The following PRKN variants were observed in gnomAD, a reference collection of about 807,000 sequenced individuals.
The protein encoded by PRKN is E3 ubiquitin-protein ligase parkin.
A neutral mutation model predicts 59.5 loss-of-function variants in PRKN; 56 were observed. That is an observed-to-expected ratio of 0.94 (90% CI 0.76 to 1.18). PRKN has a LOEUF of 1.18. Ranked by LOEUF, PRKN falls within the 50% of genes most tolerant of loss-of-function variation. The probability of loss-of-function intolerance (pLI) is 0.00; values close to 1 mark genes in which losing one functional copy is unlikely to be tolerated. For synonymous variants in PRKN, 250 were observed against 222.1 expected (o/e 1.13, Z -1.12); for missense variants, 657 against 596.4 (o/e 1.10, Z -1.06).
chr6:161,751,802 G>T (rs370626085), intron 7 of PRKN, among the ~76,000 whole-genome samples: 5 of 152,326 alleles, frequency 3.3e-5, no homozygotes, highest in Admixed American at 6.5e-5. Context: ...AGGAAGCTGT[G>T]ACCAGGTACC....
chr6:162,418,608 C>T (rs1788767693), intron 2 of PRKN, among the ~76,000 whole-genome samples: 1 of 86,732 alleles, frequency 1.2e-5, no homozygotes, highest in South Asian at 4.6e-4. Flanking sequence ...GAGAGAGGGA[C>T]AGACAGTGTG....
At chr6:162,276,705 GTC>G (rs66528514) in intron 2 of PRKN, among the ~76,000 whole-genome samples, 8 of 135,644 alleles carry the variant, frequency 5.9e-5, no homozygotes, top group African/African-American at 2.3e-4. Context: ...GTGTGTGTGT[GTC>G]TGTGTGTGTG....
In PRKN at chr6:162,405,741, C is replaced by G. The variant is rs117770034; in HGVS notation, c.171+37569G>C. 2.9e-3 allele frequency among the ~76,000 whole-genome samples: 441 copies of G among 152,164 alleles called. 1 individual carries two copies. Among genetic ancestry groups the G allele is most frequent in the Non-Finnish European group, 5.3e-3 (358 of 68,002 alleles). ...TTGCAGGAGCCCAGAAGAAACGCTA[C>G]GCGGGGGTGTAGTGAGAATGTGCCA... On this transcript the variant is annotated intron_variant, in intron 2 of 11. Coordinates refer to ENST00000366898, the MANE Select transcript of PRKN (RefSeq NM_004562.3).
chr6:162,507,735 G>A (rs1280286363), intron 1 of PRKN, among the ~76,000 whole-genome samples: 1 of 152,116 alleles, frequency 6.6e-6, no homozygotes, highest in Admixed American at 6.6e-5. Flanking sequence ...ATCTATGTCT[G>A]TCTCCCCTGT....
chr6:161,997,894 C>T (rs976234300), intron 5 of PRKN, among the ~76,000 whole-genome samples: 1 of 152,036 alleles, frequency 6.6e-6, no homozygotes, highest in Non-Finnish European at 1.5e-5. Flanking sequence ...CAAAAATGGC[C>T]AAAAGCCCTC....
At chr6:162,060,912 C>T (rs1653520202) in intron 4 of PRKN, among the ~76,000 whole-genome samples, 5 of 152,064 alleles carry the variant, frequency 3.3e-5, no homozygotes, top group African/African-American at 1.2e-4. Context: ...TTGAATAATC[C>T]ACAAACATTT....
At chr6:162,629,260 AAAG>A (rs1285238675) in intron 1 of PRKN, among the ~76,000 whole-genome samples, 5 of 152,152 alleles carry the variant, frequency 3.3e-5, no homozygotes, top group African/African-American at 1.2e-4. Flanking sequence ...TTAATTAAGG[AAAG>A]TCCAATTTTA....
chr6:162,317,788 A>G (rs1782814340), intron 2 of PRKN, among the ~76,000 whole-genome samples: 1 of 152,058 alleles, frequency 6.6e-6, no homozygotes, highest in Non-Finnish European at 1.5e-5. Context: ...CCCTGTCTCA[A>G]GTAAATGTAT....
At chr6:162,349,108 G>A (rs1784520594) in intron 2 of PRKN, among the ~76,000 whole-genome samples, 1 of 152,162 alleles carries the variant, frequency 6.6e-6, no homozygotes, top group Non-Finnish European at 1.5e-5. Context: ...AAACCTTTCA[G>A]TGAATTCTAG....
chr6:161,968,915 T>C (rs181242565), intron 6 of PRKN, among the ~76,000 whole-genome samples: 1 of 152,330 alleles, frequency 6.6e-6, no homozygotes, highest in East Asian at 1.9e-4. Flanking sequence ...TTGTAGACTT[T>C]TTGTATAGCT....
intron 1 of PRKN, among the ~76,000 whole-genome samples, chr6:162,691,860 C>T (rs1270169054): frequency 1.3e-5 from 2 of 152,058 alleles, no homozygotes; most frequent in African/African-American, 4.8e-5. Flanking sequence ...CAGTAGCAGC[C>T]TGGGGTAAAT....
intron 6 of PRKN, among the ~76,000 whole-genome samples, chr6:161,950,571 A>T (rs1363784397): frequency 6.6e-6 from 1 of 152,166 alleles, no homozygotes; most frequent in African/African-American, 2.4e-5. Context: ...TCTTTGCAAT[A>T]GCAAAGAGAA....
chr6:161,891,077 T>C (rs1362996968), intron 6 of PRKN, among the ~76,000 whole-genome samples: 2 of 152,094 alleles, frequency 1.3e-5, no homozygotes, highest in African/African-American at 4.8e-5. Flanking sequence ...ATAGAACACA[T>C]TATGAGGGGG....
At chr6:162,322,362 T>A (rs1783068970) in intron 2 of PRKN, among the ~76,000 whole-genome samples, 1 of 152,088 alleles carries the variant, frequency 6.6e-6, no homozygotes, top group Admixed American at 6.6e-5. Context: ...ATTATTAAAA[T>A]GTCATTATTC....
At chr6:162,169,723 T>C (rs1269169330) in intron 4 of PRKN, among the ~76,000 whole-genome samples, 5 of 152,252 alleles carry the variant, frequency 3.3e-5, no homozygotes, top group Non-Finnish European at 5.9e-5. Context: ...GTGACTCAGT[T>C]GTTAAAACTG....
intron 5 of PRKN, among the ~76,000 whole-genome samples, chr6:161,987,913 G>A (rs897699724): frequency 3.3e-5 from 5 of 152,166 alleles, no homozygotes; most frequent in Admixed American, 6.5e-5. Flanking sequence ...AGCATCATCC[G>A]GTTGCTAAGA....
intron 6 of PRKN, among the ~76,000 whole-genome samples, chr6:161,856,770 T>A (rs1793672179): frequency 6.6e-6 from 1 of 152,170 alleles, no homozygotes; most frequent in Non-Finnish European, 1.5e-5. Context: ...TCTGTTTCTT[T>A]ATTCTTGCTT....
intron 1 of PRKN, among the ~76,000 whole-genome samples, chr6:162,550,286 G>T (rs1468322039): frequency 6.6e-6 from 1 of 152,180 alleles, no homozygotes; most frequent in Non-Finnish European, 1.5e-5. Flanking sequence ...AAGTGGAAGT[G>T]AATTATTAGG....
intron 3 of PRKN, among the ~76,000 whole-genome samples, chr6:162,260,121 T>C (rs1236772866): frequency 1.3e-5 from 2 of 152,130 alleles, no homozygotes; most frequent in African/African-American, 2.4e-5. Context: ...TGTGTAGTGG[T>C]GCAGGGAGAA....
Sources: gnomAD v4.1 joint callset for allele counts (sites outside exome capture counted in the v4.1 genomes callset) on GRCh38, gnomAD v4.1.1 for gene constraint, MANE v1.5 for transcripts, NCBI Gene and HGNC (gene_info 2026-07-23, HGNC 2026-07-21) for gene names.